Variants in GRIP1 observed in about 807,000 individuals in gnomAD.
The protein encoded by GRIP1 is glutamate receptor-interacting protein 1.
GRIP1 carries 45 observed loss-of-function variants against 129.9 expected under a neutral mutation model. The ratio of observed to expected loss-of-function variants is 0.35; its 90% CI spans 0.27 to 0.44. The LOEUF is 0.44. Ranked by LOEUF, GRIP1 falls within the 20% of genes least tolerant of loss-of-function variation. GRIP1 has a pLI of 1.00. For synonymous variants in GRIP1, 530 were observed against 520.8 expected (o/e 1.02, Z -0.24); for missense variants, 1,196 against 1,396.8 (o/e 0.86, Z 2.29).
chr12:66,482,192 G>A (rs1346678928), intron 7 of GRIP1, among the ~76,000 whole-genome samples: 1 of 152,136 alleles, frequency 6.6e-6, no homozygotes, highest in Non-Finnish European at 1.5e-5. Flanking sequence ...GAAGGTGCCT[G>A]ATGCTCCCTG....
At chr12:66,647,761 T>C (rs2032486757) in intron 1 of GRIP1, among the ~76,000 whole-genome samples, 1 of 152,222 alleles carries the variant, frequency 6.6e-6, no homozygotes, top group Non-Finnish European at 1.5e-5. Context: ...TTGTAAATCA[T>C]GATCGTCTTT....
intron 1 of GRIP1, among the ~76,000 whole-genome samples, chr12:67,025,174 A>C (rs1349451357): frequency 6.6e-6 from 1 of 152,196 alleles, no homozygotes; most frequent in African/African-American, 2.4e-5. Context: ...CCTCGTCTCT[A>C]CTAAAAATAC....
chr12:66,415,499 A>G (rs934109324), intron 15 of GRIP1, among the ~76,000 whole-genome samples: 2 of 152,170 alleles, frequency 1.3e-5, no homozygotes, highest in Non-Finnish European at 2.9e-5. Context: ...AACCATTATG[A>G]AAGACAGTGT....
In GRIP1 at chr12:66,748,679, C is replaced by T. The variant is rs143815915; in HGVS notation, c.-420+55374G>A. Among the ~76,000 whole-genome samples, 340 of 152,316 alleles carry T rather than the reference C, an allele frequency of 2.2e-3. 3 individuals are homozygous for T. Among genetic ancestry groups the T allele is most frequent in the African/African-American group, 7.1e-3 (297 of 41,568 alleles). On this transcript the variant is annotated intron_variant, in intron 1 of 4. Transcript: ENST00000538373. ...GCAAACAATTAAAGCTGCTTTCCTT[C>T]ACAGCCCTGATTCTACACATGGTCT...
intron 2 of GRIP1, among the ~76,000 whole-genome samples, chr12:66,555,401 C>T (rs1187351680): frequency 6.6e-6 from 1 of 152,152 alleles, no homozygotes; most frequent in Non-Finnish European, 1.5e-5. Flanking sequence ...TAGATTCCAA[C>T]ACCCACGTCC....
intron 1 of GRIP1, among the ~76,000 whole-genome samples, chr12:66,749,110 A>G (rs928702423): frequency 1.4e-4 from 22 of 152,198 alleles, no homozygotes; most frequent in African/African-American, 5.3e-4. Context: ...CTTCTTTTAT[A>G]GAACCCCTGA....
intron 2 of GRIP1, among the ~76,000 whole-genome samples, chr12:66,577,782 C>T (rs576553976): frequency 2.3e-4 from 35 of 152,048 alleles, no homozygotes; most frequent in African/African-American, 8.2e-4. Flanking sequence ...AGATTGTGTA[C>T]CTACAAAAAA....
At chr12:66,906,364 G>A (rs2137291942) in intron 1 of GRIP1, among the ~76,000 whole-genome samples, 1 of 152,214 alleles carries the variant, frequency 6.6e-6, no homozygotes, top group Non-Finnish European at 1.5e-5. Context: ...AGCCCAGGAA[G>A]TCGAAGCTGA....
At chr12:66,929,498 C>T (rs530970147) in intron 1 of GRIP1, among the ~76,000 whole-genome samples, 8 of 152,230 alleles carry the variant, frequency 5.3e-5, no homozygotes, top group Middle Eastern at 3.2e-3. Context: ...TTCTGTCTTG[C>T]TCACTGTTCA....
At chr12:66,505,819 T>C (rs1005873777) in intron 7 of GRIP1, among the ~76,000 whole-genome samples, 3 of 152,152 alleles carry the variant, frequency 2.0e-5, no homozygotes, top group African/African-American at 7.2e-5. Context: ...AAGGCTTGTA[T>C]ACACAATATA....
At chr12:66,729,261 T>C (rs1201268879) in intron 1 of GRIP1, among the ~76,000 whole-genome samples, 1 of 152,140 alleles carries the variant, frequency 6.6e-6, no homozygotes, top group Non-Finnish European at 1.5e-5. Flanking sequence ...TCTGTTACTT[T>C]CTGGTATTTA....
At chr12:66,820,124 C>T (rs780459501) in intron 1 of GRIP1, among the ~76,000 whole-genome samples, 39 of 152,238 alleles carry the variant, frequency 2.6e-4, no homozygotes, top group South Asian at 6.2e-4. Context: ...TTTTGAAATA[C>T]GCTGGGCTGG....
rs112037064 is a variant in GRIP1, at chr12:66,586,134, A to C, written c.136+10713T>G. Among the ~76,000 whole-genome samples, 638 of 152,246 alleles carry C rather than the reference A, an allele frequency of 4.2e-3. 5 individuals carry two copies. Among genetic ancestry groups the C allele is most frequent in the African/African-American group, 0.015 (607 of 41,542 alleles). ...AGAAACTCTGTTTAGAGTTGTCCAC[A>C]TTCTCTGCCTGTTACTCAAGTCCTA... On this transcript the variant is annotated intron_variant, in intron 2 of 24. Coordinates refer to ENST00000359742, the MANE Select transcript of GRIP1 (RefSeq NM_001366722.1).
At chr12:66,947,134 C>G (rs1032489105) in intron 1 of GRIP1, among the ~76,000 whole-genome samples, 1 of 151,982 alleles carries the variant, frequency 6.6e-6, no homozygotes, top group Admixed American at 6.6e-5. Context: ...CACTTTTAGA[C>G]GGAGGCAGAC....
intron 1 of GRIP1, among the ~76,000 whole-genome samples, chr12:66,969,797 T>C (rs2042046987): frequency 6.6e-6 from 1 of 152,106 alleles, no homozygotes; most frequent in Non-Finnish European, 1.5e-5. Flanking sequence ...CTGAGACTTT[T>C]AAAAATCGTG....
chr12:67,050,706 A>T (rs2043330486), intron 1 of GRIP1, among the ~76,000 whole-genome samples: 1 of 152,250 alleles, frequency 6.6e-6, no homozygotes, highest in South Asian at 2.1e-4. Flanking sequence ...GCATTTCTCC[A>T]TGCATGTTCT....
chr12:66,561,991 G>T (rs1269225559), intron 2 of GRIP1, among the ~76,000 whole-genome samples: 2 of 152,056 alleles, frequency 1.3e-5, no homozygotes, highest in East Asian at 1.9e-4. Flanking sequence ...GCTACCTGGT[G>T]GGGGATGTGG....
At chr12:67,053,697 G>A (rs2043384271) in intron 1 of GRIP1, among the ~76,000 whole-genome samples, 1 of 152,002 alleles carries the variant, frequency 6.6e-6, no homozygotes, top group Non-Finnish European at 1.5e-5. Context: ...AATTAGCCAG[G>A]CGTGGTGGTG....
chr12:66,776,346 C>G (rs933646656), intron 1 of GRIP1, among the ~76,000 whole-genome samples: 1 of 152,126 alleles, frequency 6.6e-6, no homozygotes, highest in African/African-American at 2.4e-5. Flanking sequence ...TATTTCTATC[C>G]TGAACACTAA....
Sources: gnomAD v4.1 joint callset for allele counts (sites outside exome capture counted in the v4.1 genomes callset) on GRCh38, gnomAD v4.1.1 for gene constraint, MANE v1.5 for transcripts, NCBI Gene and HGNC (gene_info 2026-07-23, HGNC 2026-07-21) for gene names.